The following GIT1 variants were observed in gnomAD, a reference collection of about 807,000 sequenced individuals.
GIT1 encodes the protein ARF GTPase-activating protein GIT1.
GIT1 carries 14 observed loss-of-function variants against 91.7 expected under a neutral mutation model. The observed-to-expected ratio is 0.15, with a 90% CI of 0.10 to 0.24. GIT1 has a LOEUF of 0.24. GIT1 is among the 10% of genes least tolerant of loss of function. The pLI is 1.00. For synonymous variants in GIT1, 414 were observed against 418.2 expected (o/e 0.99, Z 0.12); for missense variants, 717 against 1,024.9 (o/e 0.70, Z 4.10).
In GIT1 at chr17:29,573,943, C is replaced by T. The variant is rs1455144006; in HGVS notation, c.*759G>A. 6.6e-6 allele frequency: 1 copy of T among 152,554 alleles called. No homozygotes were observed. Among genetic ancestry groups the T allele is most frequent in the Admixed American group, 6.5e-5 (1 of 15,278 alleles). 9.5% of individuals were successfully genotyped at this position (152,554 alleles called of 1,614,324 possible). ...CCAAAACTGGCTACCCGGACAGTCC[C>T]TGGCTCCAGGTGGGGAAGGGAAGCT... On this transcript the variant is annotated 3_prime_UTR_variant, in exon 20 of 20. Transcript: ENST00000225394.
At chr17:29,579,396 C>T in intron 7 of GIT1, 1 of 247,800 alleles carries the variant, frequency 4.0e-6, no homozygotes, top group Non-Finnish European at 7.9e-6. Flanking sequence ...TACCCCTTGC[C>T]TTAAGGCACT....
rs780870035 is a variant in GIT1, at chr17:29,581,813, G to A, written c.647C>T (p.Ala216Val). 6.2e-6 allele frequency: 10 copies of A among 1,612,308 alleles called. No individual in the cohort carries two copies. Among genetic ancestry groups the A allele is most frequent in the East Asian group, 4.5e-5 (2 of 44,880 alleles). The change falls in exon 6 of 20, where the codon GCG becomes GTG. Residue 216 changes from alanine (A) to valine (V), a missense_variant. Physicochemically the swap from Ala to Val is moderately conservative, Grantham distance 64 (BLOSUM62 0). This residue lies in a region of GIT1 where 271 missense variants were observed against 451.6 expected (regional missense o/e 0.60). Transcript: ENST00000225394. The surrounding 1 kb of genome is among the most constrained non-coding windows in gnomAD (Gnocchi z 4.8). ...ATATTGGCACTCAACCAGCCTTTCC[G>A]CCAGCTCATGGTGCCCCGCCTGCCT... Reference protein sequence around the residue: ...YARQAGHHELAERLVECQYEL... With the variant: ...YARQAGHHELVERLVECQYEL...
At chr17:29,578,017 G>C (rs1003059176) in intron 9 of GIT1, among the ~76,000 whole-genome samples, 1 of 152,242 alleles carries the variant, frequency 6.6e-6, no homozygotes, top group Non-Finnish European at 1.5e-5. Context: ...GAGTGATGCA[G>C]GGGGGTGGAG....
In GIT1 at chr17:29,581,673, C is replaced by A; in HGVS notation, c.718+69G>T. 1.7e-6 allele frequency: 2 copies of A among 1,210,178 alleles called. No individual in the cohort carries two copies. The highest frequency in any genetic ancestry group is 1.7e-5 in the Admixed American group (1 of 58,452). 75.0% of individuals were successfully genotyped at this position (1,210,178 alleles called of 1,614,324 possible). On this transcript the variant is annotated intron_variant, in intron 6 of 19. Coordinates refer to ENST00000225394, the MANE Select transcript of GIT1 (RefSeq NM_014030.4). This position sits in a 1 kb window ranked among gnomAD's most constrained non-coding sequence, Gnocchi z 4.8. ...TCACCATGGCACCTGCTGCCGGGTG[C>A]GTCCAGGTCCCACCTGCCCAGCCCC... is the stretch of plus-strand genomic sequence containing the variant.
chr17:29,586,516 C>T (rs2033598277), intron 1 of GIT1, among the ~76,000 whole-genome samples: 1 of 152,144 alleles, frequency 6.6e-6, no homozygotes, highest in Non-Finnish European at 1.5e-5. Context: ...CACTCAGGTG[C>T]AGGCATTGAC....
Position 29,574,469 on chromosome 17 carries a change from A to C in GIT1, c.*233T>G. On this transcript the variant is annotated 3_prime_UTR_variant, in exon 20 of 20. Transcript: ENST00000225394. The stretch of plus-strand genomic sequence containing the variant: ...CTCACTAGGAGGGGGGAGATGCTAT[A>C]TACAGAGGGGAGGTGCATGGAATGT... The C allele has an allele frequency of 1.7e-6, 1 of 590,638 alleles. No homozygotes were observed. The highest frequency in any genetic ancestry group is 3.0e-6 in the Non-Finnish European group (1 of 328,238). 36.6% of individuals were successfully genotyped at this position (590,638 alleles called of 1,614,324 possible).
rs1264766851 is a variant in GIT1 at position 29,583,513 on chromosome 17, G to A, written c.156C>T (p.Arg52=). 3 of 1,612,364 alleles carry A rather than the reference G, an allele frequency of 1.9e-6. No homozygotes were observed. Among genetic ancestry groups the A allele is most frequent in the African/African-American group, 1.3e-5 (1 of 74,904 alleles). ...GCAGCGTGGGAGGCCAGGCGCTGTG[G>A]CGAAGGTGCTTGACAATGGAGATGT... ...GRHISIVKHL[R]HSAWPPTLLQ... is the part of the protein sequence containing the mutation. The change falls in exon 2 of 20, where the codon CGC becomes CGT. Residue 52 remains arginine (R), a synonymous_variant. Coordinates refer to ENST00000225394, the MANE Select transcript of GIT1 (RefSeq NM_014030.4).
Position 29,575,492 on chromosome 17 carries a change from C to G in GIT1, c.1827-22G>C. The G allele has an allele frequency of 6.3e-7, 1 of 1,592,650 alleles. No homozygotes were observed. The highest frequency in any genetic ancestry group is 2.2e-5 in the East Asian group (1 of 44,644). ...CAGCCTGAGGCCCAGGTCCAGAAAA[C>G]AGAGACAAAGATACATATAGAGAAA... On this transcript the variant is annotated intron_variant, in intron 17 of 19. Transcript: ENST00000225394. This position sits in a 1 kb window ranked among gnomAD's most constrained non-coding sequence, Gnocchi z 5.5.
At chr17:29,578,845 C>T (rs1443758821) in intron 7 of GIT1, 66 bp from the exon 8 acceptor site, 1 of 1,565,718 alleles carries the variant, frequency 6.4e-7, no homozygotes, top group African/African-American at 1.4e-5. Context: ...AGGCCCATGC[C>T]AGCAACCTCC....
intron 1 of GIT1, among the ~76,000 whole-genome samples, chr17:29,585,267 C>T (rs1223161534): frequency 6.6e-6 from 1 of 152,156 alleles, no homozygotes; most frequent in East Asian, 1.9e-4. Context: ...TGCCAGCCAG[C>T]CACCTCCAGC....
chr17:29,583,996 C>T, intron 1 of GIT1: 1 of 246,106 alleles, frequency 4.1e-6, no homozygotes, highest in East Asian at 8.6e-5. Flanking sequence ...GGATGCAACC[C>T]AGATGCTGCT....
Position 29,581,401 on chromosome 17 carries a change from C to G in GIT1, c.719-21G>C. ...GTGATCTGAACAAAAATAAAAATGCCAAGTCACTCACTAGTGCTGGGTGGC... is the reference window on the plus strand; with the variant it reads ...GTGATCTGAACAAAAATAAAAATGCGAAGTCACTCACTAGTGCTGGGTGGC... On this transcript the variant is annotated intron_variant, in intron 6 of 19. Coordinates refer to ENST00000225394, the MANE Select transcript of GIT1 (RefSeq NM_014030.4). The surrounding 1 kb of genome is among the most constrained non-coding windows in gnomAD (Gnocchi z 4.8). The G allele has an allele frequency of 3.7e-6, 6 of 1,603,770 alleles. No individual in the cohort carries two copies. Among genetic ancestry groups the G allele is most frequent in the Middle Eastern group, 1.7e-4 (1 of 6,034 alleles).
chr17:29,583,194 C>T (rs1469639223), intron 2 of GIT1, among the ~76,000 whole-genome samples, 157 bp from the exon 3 acceptor site: 4 of 152,190 alleles, frequency 2.6e-5, no homozygotes, highest in Non-Finnish European at 5.9e-5. Flanking sequence ...AGTCCAGCTG[C>T]CCAAAGACAC....
Position 29,575,885 on chromosome 17 carries a change from A to G in GIT1, c.1679T>C (p.Val560Ala). 6.2e-7 allele frequency: 1 copy of G among 1,608,448 alleles called. No individual in the cohort carries two copies. Among genetic ancestry groups the G allele is most frequent in the Non-Finnish European group, 8.5e-7 (1 of 1,177,330 alleles). Reference protein sequence around the residue: ...PAGLYRIRKGVSASAVPFTPS... With the variant: ...PAGLYRIRKGASASAVPFTPS... ...AGTGAAGGGCACAGCTGAGGCAGAC[A>G]CCCCTTTCCGGATCTGAAACCCAGG... Residue 560 changes from valine (V) to alanine (A), a missense_variant, in exon 16 of 20, where the codon GTG (valine) becomes GCG (alanine). Transcript: ENST00000225394. The surrounding 1 kb of genome is among the most constrained non-coding windows in gnomAD (Gnocchi z 5.5).
Position 29,574,434 on chromosome 17 carries a change from C to T in GIT1, c.*268G>A. On this transcript the variant is annotated 3_prime_UTR_variant, in exon 20 of 20. Transcript: ENST00000225394. ...GCGAGGGGCTGGGAGTGATGCCTTGCAGGCCCCTGCTCACTAGGAGGGGGG... is the reference window on the plus strand; with the variant it reads ...GCGAGGGGCTGGGAGTGATGCCTTGTAGGCCCCTGCTCACTAGGAGGGGGG... 2.0e-6 allele frequency: 1 copy of T among 504,036 alleles called. No individual in the cohort carries two copies. The highest frequency in any genetic ancestry group is 3.6e-6 in the Non-Finnish European group (1 of 277,374). 31.2% of individuals were successfully genotyped at this position (504,036 alleles called of 1,614,324 possible).
At chr17:29,580,580 A>G (rs969460331) in intron 7 of GIT1, among the ~76,000 whole-genome samples, 3 of 152,116 alleles carry the variant, frequency 2.0e-5, no homozygotes, top group Non-Finnish European at 4.4e-5. Context: ...ACCTCATTCA[A>G]CCAGCCTCAG....
Position 29,581,075 on chromosome 17 carries a change from G to A in GIT1, c.761+263C>T, listed in dbSNP as rs1260287255. 5.7e-6 allele frequency: 3 copies of A among 526,392 alleles called. No homozygotes were observed. The highest frequency in any genetic ancestry group is 3.1e-5 in the Admixed American group (1 of 31,966). 32.6% of individuals were successfully genotyped at this position (526,392 alleles called of 1,614,324 possible). ...ATTACAGGCGTGAGCCACCGCGCCC[G>A]GCCCACAGGTAGCTTCTCACACCCA... On this transcript the variant is annotated intron_variant, in intron 7 of 19. Coordinates refer to ENST00000225394, the MANE Select transcript of GIT1 (RefSeq NM_014030.4). The surrounding 1 kb of genome is among the most constrained non-coding windows in gnomAD (Gnocchi z 4.8).
Position 29,575,459 on chromosome 17 carries a change from T to G in GIT1, c.1838A>C (p.Lys613Thr), listed in dbSNP as rs371029193. 1 of 1,606,162 alleles carries G rather than the reference T, an allele frequency of 6.2e-7. No homozygotes were observed. The highest frequency in any genetic ancestry group is 1.3e-5 in the African/African-American group (1 of 74,428). ...SGDPLLGLEG[K>T]RFLELGKEED... ...CTCTTTGCCCAGCTCTAGAAACCTC[T>G]TCCCTTCCAGCCTGAGGCCCAGGTC... The change falls in exon 18 of 20, where the codon AAG becomes ACG. Residue 613 changes from lysine (K) to threonine (T), a missense_variant. This residue lies in a region of GIT1 where 134 missense variants were observed against 223.8 expected (regional missense o/e 0.60). Transcript: ENST00000225394. This position sits in a 1 kb window ranked among gnomAD's most constrained non-coding sequence, Gnocchi z 5.5.
At chr17:29,577,500 C>A in intron 10 of GIT1, 145 bp downstream of exon 10, 1 of 707,766 alleles carries the variant, frequency 1.4e-6, no homozygotes, top group South Asian at 1.6e-5. Flanking sequence ...GCCTCCTGAC[C>A]TTCCCAAATC....
Sources: allele counts gnomAD v4.1 joint callset (sites outside exome capture counted in the v4.1 genomes callset), GRCh38; gene constraint gnomAD v4.1.1; regional missense constraint gnomAD v4.1.1; non-coding constraint Gnocchi (gnomAD v3.1); transcripts MANE v1.5; gene names NCBI Gene and HGNC (gene_info 2026-07-23, HGNC 2026-07-21).